The following DNAJC18 variants were observed in gnomAD, a reference collection of about 807,000 sequenced individuals.
DNAJC18 encodes DnaJ heat shock protein family (Hsp40) member C18, also known as dnaJ homolog subfamily C member 18.
Under a neutral mutation model 48.6 loss-of-function variants are expected in DNAJC18, and 40 were observed. The ratio of observed to expected loss-of-function variants is 0.82; its 90% CI spans 0.64 to 1.07. The LOEUF (loss-of-function observed/expected upper bound fraction) is 1.07, where lower values mean the gene tolerates loss of function less well. Ranked by LOEUF, DNAJC18 falls within the 50% of genes least tolerant of loss-of-function variation. The pLI, the probability that DNAJC18 is intolerant of heterozygous loss-of-function variation, is 0.00. For synonymous variants in DNAJC18, 135 were observed against 152.2 expected, an observed-to-expected ratio of 0.89 and a Z score of 0.83; for missense variants, 340 against 427.7, an observed-to-expected ratio of 0.79 and a Z score of 1.81.
chr5:139,433,530 CAA>C (rs776256463), intron 2 of DNAJC18, among the ~76,000 whole-genome samples: 2 of 151,738 alleles, frequency 1.3e-5, no homozygotes, highest in Non-Finnish European at 2.9e-5. Context: ...AAACTGCTCA[CAA>C]AGAGATGATT....
rs1758997048 is a variant in DNAJC18 at position 139,411,631 on chromosome 5, TGAG to T, written c.*2514_*2516del. On this transcript the variant is annotated 3_prime_UTR_variant, in exon 8 of 8. Transcript: ENST00000302060. ...CAACCAAAAGCAAATACGGTTCCCT[TGAG>T]GAAAAACAGATGTGAATGTTGTGGT... is the stretch of plus-strand genomic sequence containing the variant. 1 of 152,202 alleles carries T rather than the reference TGAG, an allele frequency of 6.6e-6. No homozygotes were observed. The highest frequency in any genetic ancestry group is 2.4e-5 in the African/African-American group (1 of 41,460). 9.4% of individuals were successfully genotyped at this position (152,202 alleles called of 1,614,324 possible). A position where few individuals can be genotyped will look rare whatever the true frequency, so the allele number is the denominator to read the frequency against.
chr5:139,412,817 G>C lies in DNAJC18; in HGVS notation c.*1331C>G, dbSNP rs927374939. The C allele has an allele frequency of 7.5e-6, 3 of 398,534 alleles. No individual in the cohort carries two copies. The highest frequency in any genetic ancestry group is 6.2e-5 in the African/African-American group (3 of 48,632). The allele number at this position is 398,534 out of a possible 1,614,324, so 24.7% of individuals were successfully genotyped here. Reference sequence around the variant, plus strand: ...GGTCCTGCTTCCTAAAGAGCAGCAGGGATGTTGTCCTGAACAGATGCAAGA... The same window carrying C: ...GGTCCTGCTTCCTAAAGAGCAGCAGCGATGTTGTCCTGAACAGATGCAAGA... On this transcript the variant is annotated 3_prime_UTR_variant, in exon 8 of 8. Coordinates refer to ENST00000302060, the MANE Select transcript of DNAJC18 (RefSeq NM_152686.4).
chr5:139,438,265 G>A (rs1750719979), intron 1 of DNAJC18, among the ~76,000 whole-genome samples: 1 of 150,876 alleles, frequency 6.6e-6, no homozygotes, highest in Non-Finnish European at 1.5e-5. Flanking sequence ...GCAGTGAGCC[G>A]AGATCGCGCT....
chr5:139,435,788 C>T (rs1300826311), intron 2 of DNAJC18, among the ~76,000 whole-genome samples: 2 of 139,790 alleles, frequency 1.4e-5, no homozygotes, highest in African/African-American at 5.3e-5. Context: ...TCACTGTAGC[C>T]TCGCCCTTCC....
At chr5:139,417,303 G>A (rs527922260) in intron 7 of DNAJC18, among the ~76,000 whole-genome samples, 1 of 152,164 alleles carries the variant, frequency 6.6e-6, no homozygotes, top group African/African-American at 2.4e-5. Flanking sequence ...GCTAAAAACA[G>A]TTTGCATTTG....
intron 3 of DNAJC18, among the ~76,000 whole-genome samples, chr5:139,428,254 G>A (rs945035254): frequency 6.6e-5 from 10 of 152,180 alleles, no homozygotes; most frequent in African/African-American, 1.7e-4. Context: ...AAAATTAGCC[G>A]GGCATGGTGG....
chr5:139,437,663 G>A (rs1018892893), intron 1 of DNAJC18, 105 bp from the exon 2 acceptor site: 2 of 1,345,504 alleles, frequency 1.5e-6, no homozygotes, highest in African/African-American at 2.9e-5. Flanking sequence ...GAGAAGGTAA[G>A]CATGATGGCC....
At chr5:139,426,896 T>A (rs911985545) in intron 3 of DNAJC18, among the ~76,000 whole-genome samples, 10 of 152,098 alleles carry the variant, frequency 6.6e-5, no homozygotes, top group Admixed American at 5.9e-4. Flanking sequence ...TTAAAAAAAA[T>A]TTTTTTAGAG....
intron 6 of DNAJC18, among the ~76,000 whole-genome samples, chr5:139,421,468 A>G: frequency 6.6e-6 from 1 of 151,728 alleles, no homozygotes; most frequent in African/African-American, 2.4e-5. Flanking sequence ...AACAAAAACA[A>G]TAAAAAGAAA....
intron 6 of DNAJC18, among the ~76,000 whole-genome samples, chr5:139,420,475 T>G (rs201274995): frequency 6.6e-6 from 1 of 150,906 alleles, no homozygotes; most frequent in Admixed American, 6.6e-5. Context: ...AGGACTCACC[T>G]CTCTTATACT....
rs767993625 is a variant in DNAJC18, at chr5:139,437,529, A to T, written c.70T>A (p.Tyr24Asn). 25 of 1,612,958 alleles carry T rather than the reference A, an allele frequency of 1.5e-5. No homozygotes were observed. The highest frequency in any genetic ancestry group is 1.7e-4 in the Middle Eastern group (1 of 6,044). Residue 24 changes from tyrosine to asparagine, a missense_variant, in exon 2 of 8, where the codon TAC becomes AAC. Transcript: ENST00000302060. ...AYIDAVRRNK[Y>N]PEDTPPESHD... ...CTCTCAGGAGGTGTGTCTTCTGGGTATTTGTTTCTTCTAACTGCGTCAATG... is the reference window on the plus strand; with the variant it reads ...CTCTCAGGAGGTGTGTCTTCTGGGTTTTTGTTTCTTCTAACTGCGTCAATG...
chr5:139,437,253 G>A (rs1428359975), intron 2 of DNAJC18, 119 bp downstream of exon 2: 1 of 1,283,398 alleles, frequency 7.8e-7, no homozygotes, highest in Non-Finnish European at 1.0e-6. Flanking sequence ...CAAGAAGCTA[G>A]TATGCCTCAA....
At chr5:139,425,456 G>A (rs115493333) in intron 4 of DNAJC18, among the ~76,000 whole-genome samples, 1,548 of 152,272 alleles carry the variant, frequency 0.01, 25 homozygotes, top group African/African-American at 0.033. Flanking sequence ...AAGCTACCGC[G>A]CCTGACCCTT....
intron 2 of DNAJC18, 136 bp downstream of exon 2, chr5:139,437,236 C>G: frequency 9.0e-7 from 1 of 1,114,270 alleles, no homozygotes; most frequent in Non-Finnish European, 1.2e-6. Context: ...AGTCTTCCCT[C>G]TGAGGTCAAG....
At chr5:139,426,832 G>A (rs1445265104) in intron 3 of DNAJC18, among the ~76,000 whole-genome samples, 2 of 152,154 alleles carry the variant, frequency 1.3e-5, no homozygotes, top group Admixed American at 6.6e-5. Context: ...TCCAGGCTGG[G>A]CAACAGAGTG....
At position 139,439,488 on chromosome 5, in the gene DNAJC18, C is replaced by G. The variant is rs367986275; in HGVS notation, c.-43G>C. On this transcript the variant is annotated 5_prime_UTR_variant, in exon 1 of 8. Transcript: ENST00000302060. The surrounding 1 kb of genome is among the most constrained non-coding windows in gnomAD (Gnocchi z 4.1). ...AGGTCCGCCGAGCCTCCCCCGTGCC[C>G]GAGGCTGAAAGAGAAGGGGGCGCGG... The G allele has an allele frequency of 8.7e-6, 14 of 1,613,358 alleles. No individual in the cohort carries two copies. Among genetic ancestry groups the G allele is most frequent in the African/African-American group, 5.3e-5 (4 of 74,856 alleles).
At chr5:139,426,644 G>C (rs1319258483) in intron 3 of DNAJC18, among the ~76,000 whole-genome samples, 2 of 152,186 alleles carry the variant, frequency 1.3e-5, no homozygotes, top group Non-Finnish European at 2.9e-5. Context: ...TAGAAGTTAG[G>C]AAGCCCCCCT....
rs552727656 is a variant in DNAJC18 at position 139,411,084 on chromosome 5, C to T, written c.*3064G>A. 1.3e-5 allele frequency: 2 copies of T among 152,256 alleles called. No individual in the cohort carries two copies. Among genetic ancestry groups the T allele is most frequent in the East Asian group, 1.9e-4 (1 of 5,182 alleles). 9.4% of individuals were successfully genotyped at this position (152,256 alleles called of 1,614,324 possible). ...GGGCCTGGCCAGTTCACTGTATTTT[C>T]GAACAATTTCCAACAGAAAGCACAG... is the stretch of plus-strand genomic sequence containing the variant. On this transcript the variant is annotated 3_prime_UTR_variant, in exon 8 of 8. Coordinates refer to ENST00000302060, the MANE Select transcript of DNAJC18 (RefSeq NM_152686.4).
In DNAJC18 at chr5:139,414,085, G is replaced by A; in HGVS notation, c.*63C>T. 1 of 1,572,128 alleles carries A rather than the reference G, an allele frequency of 6.4e-7. No individual in the cohort carries two copies. The highest frequency in any genetic ancestry group is 8.6e-7 in the Non-Finnish European group (1 of 1,163,306). On this transcript the variant is annotated 3_prime_UTR_variant, in exon 8 of 8. Transcript: ENST00000302060. ...TTACCTAGTTTTGTATTATAAAATG[G>A]AATCAGGAACATAAATAGGAACAAG...
Sources: gnomAD v4.1 joint callset for allele counts (sites outside exome capture counted in the v4.1 genomes callset) on GRCh38, gnomAD v4.1.1 for gene constraint, Gnocchi (gnomAD v3.1) non-coding constraint, MANE v1.5 for transcripts, NCBI Gene and HGNC (gene_info 2026-07-23, HGNC 2026-07-21) for gene names.